The following SCN10A variants were observed in gnomAD, a reference collection of about 807,000 sequenced individuals.
The protein encoded by SCN10A is sodium voltage-gated channel alpha subunit 10.
In SCN10A, 162 loss-of-function variants were observed where a neutral mutation model predicts 170.7. The ratio of observed to expected loss-of-function variants is 0.95; its 90% CI spans 0.84 to 1.08. The LOEUF (loss-of-function observed/expected upper bound fraction) is 1.08. SCN10A is among the 50% of genes least tolerant of loss of function. The pLI, the probability that SCN10A is intolerant of heterozygous loss-of-function variation, is 0.00. For synonymous variants in SCN10A, 985 were observed against 904.6 expected, an observed-to-expected ratio of 1.09 and a Z score of -1.59; for missense variants, 2,527 against 2,436.9, an observed-to-expected ratio of 1.04 and a Z score of -0.78.
intron 21 of SCN10A, among the ~76,000 whole-genome samples, chr3:38,714,708 G>A (rs544855532): frequency 6.6e-6 from 1 of 152,138 alleles, no homozygotes; most frequent in Non-Finnish European, 1.5e-5. Context: ...TCTGGTATGG[G>A]TCCATGAGAT....
At chr3:38,703,698 A>G (rs900229006) in intron 26 of SCN10A, among the ~76,000 whole-genome samples, 25 of 152,050 alleles carry the variant, frequency 1.6e-4, no homozygotes, top group African/African-American at 5.1e-4. Context: ...CCTTTACCCA[A>G]CTTTTAGACA....
chr3:38,712,066 G>GC, intron 23 of SCN10A, 95 bp downstream of exon 23: 1 of 1,269,938 alleles, frequency 7.9e-7, no homozygotes, highest in South Asian at 1.4e-5. Flanking sequence ...GCTACTCCTT[G>GC]CAAAGTCCCC....
intron 11 of SCN10A, among the ~76,000 whole-genome samples, chr3:38,754,858 A>T (rs1328806712): frequency 1.3e-5 from 2 of 152,210 alleles, no homozygotes; most frequent in Non-Finnish European, 2.9e-5. Flanking sequence ...GGTATAAAGC[A>T]TAAAAAAATA....
chr3:38,773,598 C>T (rs1177210965), intron 4 of SCN10A, among the ~76,000 whole-genome samples: 1 of 152,052 alleles, frequency 6.6e-6, no homozygotes, highest in African/African-American at 2.4e-5. Flanking sequence ...AAATAGAAAA[C>T]TGAGCAAACA....
At chr3:38,789,252 A>G (rs1279765699) in intron 3 of SCN10A, among the ~76,000 whole-genome samples, 1 of 152,186 alleles carries the variant, frequency 6.6e-6, no homozygotes, top group Non-Finnish European at 1.5e-5. Context: ...AGGTGGGTAT[A>G]AATATCTACA....
At position 38,788,864 on chromosome 3, in the gene SCN10A, A is replaced by G. The variant is rs1400152031; in HGVS notation, c.470+92T>C. 7 of 775,840 alleles carry G rather than the reference A, an allele frequency of 9.0e-6. No individual in the cohort carries two copies. In the African/African-American group the frequency reaches 1.0e-4, roughly 11 times the overall value. 48.1% of individuals were successfully genotyped at this position (775,840 alleles called of 1,614,324 possible). On this transcript the variant is annotated intron_variant, in intron 4 of 27. Transcript: ENST00000449082. ...AGATTCAGCATTACCCACATGAGGC[A>G]TGGCAGGATAAATAAAAGACAAAGA...
intron 4 of SCN10A, among the ~76,000 whole-genome samples, chr3:38,784,192 T>C (rs540808581): frequency 1.3e-5 from 2 of 152,276 alleles, no homozygotes; most frequent in African/African-American, 4.8e-5. Context: ...GTATAGTTAG[T>C]GCTTCTTGTG....
Position 38,755,920 on chromosome 3 carries a change from G to C in SCN10A, c.1329C>G (p.His443Gln). ...AALGIDTTSL[H>Q]SHNGSPLTSK... Reference sequence around the variant, plus strand: ...AGGTTAAAGGTGATCCATTGTGGGAGTGGAGAGAGGTTGTGTCAATCCCTA... The same window carrying C: ...AGGTTAAAGGTGATCCATTGTGGGACTGGAGAGAGGTTGTGTCAATCCCTA... Residue 443 changes from histidine (H) to glutamine (Q), a missense_variant, in exon 11 of 28, where the codon CAC becomes CAG. By Grantham distance (24) the His-to-Gln change is conservative. Transcript: ENST00000449082. 6.2e-7 allele frequency: 1 copy of C among 1,614,238 alleles called. No homozygotes were observed. The highest frequency in any genetic ancestry group is 8.5e-7 in the Non-Finnish European group (1 of 1,180,042).
Position 38,756,853 on chromosome 3 carries a change from T to C in SCN10A, c.1111A>G (p.Lys371Glu). The C allele has an allele frequency of 6.2e-7, 1 of 1,614,188 alleles. No individual in the cohort carries two copies. Reference sequence around the variant, plus strand: ...AGCACAAAAAAGATCATATAGATTTTCCCAGAAGTCCTCAGGGTCTGCAGG... The same window carrying C: ...AGCACAAAAAAGATCATATAGATTTCCCCAGAAGTCCTCAGGGTCTGCAGG... ...LYQQTLRTSG[K>E]IYMIFFVLVI... Residue 371 changes from lysine to glutamate, a missense_variant, in exon 10 of 28, where the codon AAA becomes GAA. Physicochemically the swap from Lys to Glu is moderately conservative, Grantham distance 56. Transcript: ENST00000449082.
intron 1 of SCN10A, among the ~76,000 whole-genome samples, chr3:38,800,965 G>A (rs76527198): frequency 1.3e-5 from 2 of 152,068 alleles, no homozygotes; most frequent in Non-Finnish European, 2.9e-5. Context: ...TTGCCATTTC[G>A]ATAGTGATGG....
At chr3:38,707,425 C>CCTA in intron 25 of SCN10A, 42 bp from the exon 26 acceptor site, 1 of 1,594,360 alleles carries the variant, frequency 6.3e-7, no homozygotes, top group Non-Finnish European at 8.6e-7. Context: ...AGAGGAACCC[C>CCTA]CTACGGATAC....
intron 3 of SCN10A, 28 bp downstream of exon 3, chr3:38,792,022 G>T: frequency 6.2e-7 from 1 of 1,611,892 alleles, no homozygotes; most frequent in East Asian, 2.2e-5. Context: ...ATTGTAACAC[G>T]TGGAAGAGGC....
chr3:38,767,399 C>G (rs536187108), intron 5 of SCN10A, among the ~76,000 whole-genome samples: 2 of 152,012 alleles, frequency 1.3e-5, no homozygotes, highest in South Asian at 4.1e-4. Flanking sequence ...CCTCTTAGCA[C>G]TGCTTTAGCT....
Position 38,698,437 on chromosome 3 carries a change from T to C in SCN10A, c.4783A>G (p.Thr1595Ala), listed in dbSNP as rs747919920. 22 of 1,614,016 alleles carry C rather than the reference T, an allele frequency of 1.4e-5. No homozygotes were observed. The highest frequency in any genetic ancestry group is 1.8e-5 in the Non-Finnish European group (21 of 1,180,018). ...GACATCATGAGGGCAAAGAGCAGTGTGCGGATCCCCTTGGCCGCTCGGATC... is the reference window on the plus strand; with the variant it reads ...GACATCATGAGGGCAAAGAGCAGTGCGCGGATCCCCTTGGCCGCTCGGATC... ...RLIRAAKGIR[T>A]LLFALMMSLP... Residue 1595 changes from threonine to alanine, a missense_variant, in exon 28 of 28, where the codon ACA (threonine) becomes GCA (alanine). Coordinates refer to ENST00000449082, the MANE Select transcript of SCN10A (RefSeq NM_006514.4).
In SCN10A at chr3:38,776,920, T is replaced by G. The variant is rs892441563; in HGVS notation, c.471-5513A>C. 4.6e-5 allele frequency among the ~76,000 whole-genome samples: 7 copies of G among 152,152 alleles called. No homozygotes were observed. In the South Asian group the frequency reaches 6.2e-4, roughly 14 times the overall value. The stretch of plus-strand genomic sequence containing the variant: ...CTGTTAGTTTACAGATTTACTATAC[T>G]AACAGATGAAAGACTATATGATAAC... On this transcript the variant is annotated intron_variant, in intron 4 of 27. Transcript: ENST00000449082.
intron 14 of SCN10A, among the ~76,000 whole-genome samples, chr3:38,741,523 A>G (rs1344748417): frequency 6.6e-6 from 1 of 152,234 alleles, no homozygotes; most frequent in Non-Finnish European, 1.5e-5. Context: ...TTGTGAAAAT[A>G]AAATGAGATA....
intron 16 of SCN10A, 103 bp from the exon 17 acceptor site, chr3:38,727,155 C>T (rs2063467192): frequency 3.9e-6 from 4 of 1,014,432 alleles, no homozygotes; most frequent in Middle Eastern, 2.2e-4. Flanking sequence ...ACGGCCTGGG[C>T]CTCTTCCTGC....
chr3:38,717,151 T>C (rs953660778), intron 21 of SCN10A, among the ~76,000 whole-genome samples: 1 of 151,844 alleles, frequency 6.6e-6, no homozygotes, highest in Non-Finnish European at 1.5e-5. Flanking sequence ...GAATAAAAGA[T>C]TGGGCAGAAG....
intron 1 of SCN10A, among the ~76,000 whole-genome samples, chr3:38,808,623 G>A (rs1396441114): frequency 6.6e-6 from 1 of 152,220 alleles, no homozygotes; most frequent in Non-Finnish European, 1.5e-5. Context: ...CTACTTTAGA[G>A]AATCGTCATG....
Sources: gnomAD v4.1 joint callset for allele counts (sites outside exome capture counted in the v4.1 genomes callset) on GRCh38, gnomAD v4.1.1 for gene constraint, MANE v1.5 for transcripts, NCBI Gene and HGNC (gene_info 2026-07-23, HGNC 2026-07-21) for gene names.